IQCH: variants seen among roughly 807,000 people sequenced by gnomAD.
IQCH encodes IQ domain-containing protein H.
In IQCH, 98 loss-of-function variants were observed where a neutral mutation model predicts 117.0. That is an observed-to-expected ratio of 0.84 (90% confidence interval 0.71 to 0.99). The LOEUF is 0.99. Among genes scored for constraint, IQCH ranks in the 50% least tolerant of loss-of-function variants. IQCH has a pLI of 0.00. For missense variants in IQCH, 1,102 were observed against 1,243.8 expected (o/e 0.89, Z 1.72); for synonymous variants, 412 against 448.2 (o/e 0.92, Z 1.02).
chr15:67,422,088 A>G lies in IQCH; in HGVS notation c.2505+511A>G, dbSNP rs1270784051. ...CACTCCAGCCTGGGTGACAGAGTGA[A>G]ACTCCATCTCAAAAAAAAAAAAAAA... On this transcript the variant is annotated intron_variant, in intron 16 of 20. Transcript: ENST00000335894. The surrounding 1 kb of genome is among the most constrained non-coding windows in gnomAD (Gnocchi z 4.7). Among the ~76,000 whole-genome samples, 2 of 151,158 alleles carry G rather than the reference A, an allele frequency of 1.3e-5. No individual in the cohort carries two copies. The highest frequency in any genetic ancestry group is 4.9e-5 in the African/African-American group (2 of 41,124).
intron 4 of IQCH, among the ~76,000 whole-genome samples, chr15:67,283,263 G>A (rs899769277): frequency 6.6e-6 from 1 of 152,214 alleles, no homozygotes. Flanking sequence ...TGTTAACAGC[G>A]GGTTGTATTT....
intron 20 of IQCH, among the ~76,000 whole-genome samples, chr15:67,498,184 C>A (rs1056795135): frequency 1.3e-5 from 2 of 152,144 alleles, no homozygotes; most frequent in Non-Finnish European, 2.9e-5. Context: ...AAAATTGAGT[C>A]TGAAATAAAC....
Position 67,422,211 on chromosome 15 carries a change from A to T in IQCH, c.2505+634A>T, listed in dbSNP as rs1357995764. Among the ~76,000 whole-genome samples, 2 of 152,084 alleles carry T rather than the reference A, an allele frequency of 1.3e-5. No homozygotes were observed. Among genetic ancestry groups the T allele is most frequent in the African/African-American group, 4.8e-5 (2 of 41,398 alleles). On this transcript the variant is annotated intron_variant, in intron 16 of 20. Coordinates refer to ENST00000335894, the MANE Select transcript of IQCH (RefSeq NM_001031715.3). The surrounding 1 kb of genome is among the most constrained non-coding windows in gnomAD (Gnocchi z 4.7). ...TCCCTATGTATCATGAAACTATTTT[A>T]TGCCATCCAGGGAGTGGAACCGGTC...
intron 4 of IQCH, among the ~76,000 whole-genome samples, chr15:67,310,277 T>C (rs1348961946): frequency 1.3e-5 from 2 of 152,090 alleles, no homozygotes; most frequent in African/African-American, 4.8e-5. Flanking sequence ...CATTTGATCG[T>C]CAGTGGGTTA....
rs865927447 is a variant in IQCH at position 67,491,193 on chromosome 15, C to T, written c.2861+1129C>T. 1.3e-5 allele frequency among the ~76,000 whole-genome samples: 2 copies of T among 152,202 alleles called. No homozygotes were observed. Among genetic ancestry groups the T allele is most frequent in the South Asian group, 2.1e-4 (1 of 4,812 alleles). ...ATGTTCCTATGTGGCCTCAGTCCCT[C>T]CCTCCCCAACCTCCCCTACACCCTA... is the stretch of plus-strand genomic sequence containing the variant. On this transcript the variant is annotated intron_variant, in intron 19 of 20. Transcript: ENST00000335894. The surrounding 1 kb of genome is among the most constrained non-coding windows in gnomAD (Gnocchi z 4.9).
At position 67,494,390 on chromosome 15, in the gene IQCH, T is replaced by C. The variant is rs1344394764; in HGVS notation, c.2970+24T>C. 3.4e-6 allele frequency: 5 copies of C among 1,490,042 alleles called. No individual in the cohort carries two copies. The Admixed American group carries it at 8.7e-5, about 26-fold the overall frequency. The allele number at this position is 1,490,042 out of a possible 1,614,324, so 92.3% of individuals were successfully genotyped here. On this transcript the variant is annotated intron_variant, in intron 20 of 20. Coordinates refer to ENST00000335894, the MANE Select transcript of IQCH (RefSeq NM_001031715.3). This position sits in a 1 kb window ranked among gnomAD's most constrained non-coding sequence, Gnocchi z 5.5. ...AGGTGAGGTGTTAATTAACTAACGA[T>C]TCTGGTTAATTTCTATACAAGGGCT...
chr15:67,299,733 T>TA (rs367886410), intron 4 of IQCH, among the ~76,000 whole-genome samples: 174 of 152,304 alleles, frequency 1.1e-3, no homozygotes, highest in Middle Eastern at 3.4e-3. Context: ...GTAGCTCTTC[T>TA]AAACTGTTAG....
intron 13 of IQCH, among the ~76,000 whole-genome samples, chr15:67,396,588 A>G (rs1332464128): frequency 6.6e-6 from 1 of 152,244 alleles, no homozygotes; most frequent in Admixed American, 6.5e-5. Flanking sequence ...ATTAAAAGAC[A>G]AATGGCTGTT....
chr15:67,395,360 A>G lies in IQCH; in HGVS notation c.1702A>G (p.Ile568Val), dbSNP rs745841389. 6.2e-7 allele frequency: 1 copy of G among 1,611,022 alleles called. No homozygotes were observed. The highest frequency in any genetic ancestry group is 1.1e-5 in the South Asian group (1 of 91,024). Residue 568 changes from isoleucine (I) to valine (V), a missense_variant, in exon 13 of 21, where the codon ATC becomes GTC. By Grantham distance (29) the Ile-to-Val change is conservative (BLOSUM62 3). Coordinates refer to ENST00000335894, the MANE Select transcript of IQCH (RefSeq NM_001031715.3). This position sits in a 1 kb window ranked among gnomAD's most constrained non-coding sequence, Gnocchi z 4.0. ...PKAIKRIKNLIRGTEAYIVSG... is the reference protein window; with the variant it reads ...PKAIKRIKNLVRGTEAYIVSG... ...GGCAATCAAAAGAATAAAAAATCTCATCCGAGGAACAGAGGCCTACATCGT... is the reference window on the plus strand; with the variant it reads ...GGCAATCAAAAGAATAAAAAATCTCGTCCGAGGAACAGAGGCCTACATCGT...
Position 67,261,404 on chromosome 15 carries a change from G to C in IQCH, c.174+10G>C, listed in dbSNP as rs771542546. Reference sequence around the variant, plus strand: ...TGAAGTGGGGTTAAGAGTAAGTAGAGCTTTAGATATTAAAATACTGGAAGG... The same window carrying C: ...TGAAGTGGGGTTAAGAGTAAGTAGACCTTTAGATATTAAAATACTGGAAGG... On this transcript the variant is annotated intron_variant, in intron 2 of 20. Transcript: ENST00000335894. 5 of 1,575,596 alleles carry C rather than the reference G, an allele frequency of 3.2e-6. No individual in the cohort carries two copies. In the East Asian group the frequency reaches 9.2e-5, roughly 29 times the overall value.
At position 67,416,024 on chromosome 15, in the gene IQCH, C is replaced by T. The variant is rs1214336479; in HGVS notation, c.2098-907C>T. ...GCTGCAGTGAGCTATGATCACACCA[C>T]TGTACTCTAGCCTAGGTGACACAGC... is the stretch of plus-strand genomic sequence containing the variant. On this transcript the variant is annotated intron_variant, in intron 14 of 20. Transcript: ENST00000335894. This position sits in a 1 kb window ranked among gnomAD's most constrained non-coding sequence, Gnocchi z 5.1. 2.6e-5 allele frequency among the ~76,000 whole-genome samples: 4 copies of T among 152,064 alleles called. No homozygotes were observed. The highest frequency in any genetic ancestry group is 9.7e-5 in the African/African-American group (4 of 41,404).
Position 67,465,231 on chromosome 15 carries a change from G to A in IQCH, c.2610G>A (p.Leu870=). 1.2e-6 allele frequency: 2 copies of A among 1,614,056 alleles called. No homozygotes were observed. The highest frequency in any genetic ancestry group is 1.7e-6 in the Non-Finnish European group (2 of 1,180,014). The part of the protein sequence containing the change: ...NGHLDCSLST[L]EVPRFVPKER... ...ATCTGGATTGCAGTTTGAGCACCCT[G>A]GAAGTGCCCCGCTTTGTTCCAAAGG... The change falls in exon 17 of 21, where the codon CTG becomes CTA. Residue 870 remains leucine, a synonymous_variant. Transcript: ENST00000335894. The surrounding 1 kb of genome is among the most constrained non-coding windows in gnomAD (Gnocchi z 5.9).
intron 4 of IQCH, among the ~76,000 whole-genome samples, chr15:67,303,701 C>T (rs748253528): frequency 6.6e-6 from 1 of 152,114 alleles, no homozygotes; most frequent in Non-Finnish European, 1.5e-5. Flanking sequence ...CCCTTGCCAC[C>T]ACCACTATGT....
At chr15:67,371,378 A>G (rs1278815360) in intron 8 of IQCH, 3 of 792,656 alleles carry the variant, frequency 3.8e-6, no homozygotes, top group Non-Finnish European at 5.4e-6. Context: ...AAATGTCAAT[A>G]CAGGTGGGAA....
At chr15:67,344,371 A>T (rs549023171) in intron 6 of IQCH, among the ~76,000 whole-genome samples, 180 bp downstream of exon 6, 2 of 152,320 alleles carry the variant, frequency 1.3e-5, no homozygotes, top group East Asian at 3.9e-4. Context: ...TATTTACAAT[A>T]TATTTCCATT....
rs1036326657 is a variant in IQCH at position 67,416,439 on chromosome 15, C to G, written c.2098-492C>G. Among the ~76,000 whole-genome samples the G allele has an allele frequency of 6.6e-6, 1 of 151,954 alleles. No individual in the cohort carries two copies. Among genetic ancestry groups the G allele is most frequent in the Non-Finnish European group, 1.5e-5 (1 of 68,020 alleles). ...GGCTGAGGCAGGAGAATCACTTGAA[C>G]CCGGGAGGCAGAGGTTGCAGTGAGC... is the stretch of plus-strand genomic sequence containing the variant. On this transcript the variant is annotated intron_variant, in intron 14 of 20. Coordinates refer to ENST00000335894, the MANE Select transcript of IQCH (RefSeq NM_001031715.3). This position sits in a 1 kb window ranked among gnomAD's most constrained non-coding sequence, Gnocchi z 5.1.
intron 18 of IQCH, among the ~76,000 whole-genome samples, chr15:67,478,178 A>G (rs547551206): frequency 6.6e-6 from 1 of 152,230 alleles, no homozygotes; most frequent in African/African-American, 2.4e-5. Flanking sequence ...TGAGGTCAGG[A>G]GTTCGAGTCC....
At chr15:67,276,660 C>T (rs1373919860) in intron 3 of IQCH, among the ~76,000 whole-genome samples, 1 of 151,772 alleles carries the variant, frequency 6.6e-6, no homozygotes, top group Non-Finnish European at 1.5e-5. Flanking sequence ...TGTCTTCTTA[C>T]TTGCATAGTT....
Position 67,424,556 on chromosome 15 carries a change from C to G in IQCH, c.2505+2979C>G, listed in dbSNP as rs1040814768. On this transcript the variant is annotated intron_variant, in intron 16 of 20. Transcript: ENST00000335894. The surrounding 1 kb of genome is among the most constrained non-coding windows in gnomAD (Gnocchi z 4.9). ...CTGTATTCTCAGCACTTACTTCTGT[C>G]CTGGCACAAAGTAGGTATTCAGTAA... is the stretch of plus-strand genomic sequence containing the variant. 6.6e-6 allele frequency among the ~76,000 whole-genome samples: 1 copy of G among 152,162 alleles called. No homozygotes were observed. The highest frequency in any genetic ancestry group is 1.5e-5 in the Non-Finnish European group (1 of 68,044).
Sources: allele counts gnomAD v4.1 joint callset (sites outside exome capture counted in the v4.1 genomes callset), GRCh38; gene constraint gnomAD v4.1.1; non-coding constraint Gnocchi (gnomAD v3.1); transcripts MANE v1.5; gene names NCBI Gene and HGNC (gene_info 2026-07-23, HGNC 2026-07-21).